PRPF18: variants seen among roughly 807,000 people sequenced by gnomAD.
PRPF18 encodes pre-mRNA-splicing factor 18.
A neutral mutation model predicts 46.5 loss-of-function variants in PRPF18; 38 were observed. That is an observed-to-expected ratio of 0.82 (90% CI 0.63 to 1.07). The LOEUF (loss-of-function observed/expected upper bound fraction) is 1.07, where lower values mean the gene tolerates loss of function less well. Ranked by LOEUF, PRPF18 falls within the 50% of genes least tolerant of loss-of-function variation. PRPF18 has a pLI of 0.00. For missense variants in PRPF18, 263 were observed against 410.0 expected (o/e 0.64, Z 3.10); for synonymous variants, 152 against 146.7 (o/e 1.04, Z -0.26).
At chr10:13,641,423 A>G in the PRPF18 span, 3 of 152,280 alleles carry the variant, frequency 2.0e-5, no homozygotes, top group African/African-American at 7.2e-5. Context: ...AGTGGAATGT[A>G]CAACTTTTAG....
chr10:13,650,399 CATGTATGCATGAGCAT>C, the PRPF18 span, among the ~76,000 whole-genome samples: 1 of 152,004 alleles, frequency 6.6e-6, no homozygotes, highest in Non-Finnish European at 1.5e-5. Context: ...TGCATGTGCA[CATGTATGCATGAGCAT>C]GAACTCGTGT....
intron 9 of PRPF18, among the ~76,000 whole-genome samples, chr10:13,625,037 A>G (rs1428772537): frequency 6.6e-6 from 1 of 152,230 alleles, no homozygotes; most frequent in African/African-American, 2.4e-5. Flanking sequence ...GAGAATGATA[A>G]TTAATATCCT....
chr10:13,616,812 G>GT (rs2080348155), intron 9 of PRPF18, among the ~76,000 whole-genome samples: 1 of 150,616 alleles, frequency 6.6e-6, no homozygotes, highest in African/African-American at 2.5e-5. Context: ...AATGATTGCA[G>GT]TTTGCTTTTT....
intron 4 of PRPF18, among the ~76,000 whole-genome samples, chr10:13,609,014 ATCAG>A (rs2080232615): frequency 6.6e-6 from 1 of 152,210 alleles, no homozygotes. Context: ...ACAGCAGGTG[ATCAG>A]TCAGTGTTTG....
chr10:13,624,198 G>A (rs147225151), intron 9 of PRPF18, among the ~76,000 whole-genome samples: 3 of 152,268 alleles, frequency 2.0e-5, no homozygotes, highest in Non-Finnish European at 2.9e-5. Flanking sequence ...GGCTGGTCTC[G>A]AACTCCTGAC....
At chr10:13,654,446 C>G in the PRPF18 span, 8 of 1,612,942 alleles carry the variant, frequency 5.0e-6, no homozygotes, top group South Asian at 8.8e-5. Flanking sequence ...GTGGTGGGGG[C>G]TGCTTGGGGG....
At chr10:13,628,515 A>C (rs2080544292) in intron 9 of PRPF18, among the ~76,000 whole-genome samples, 1 of 152,194 alleles carries the variant, frequency 6.6e-6, no homozygotes, top group African/African-American at 2.4e-5. Flanking sequence ...ATGCTATTTA[A>C]ATAGTTATTA....
chr10:13,607,993 C>G (rs956699790), intron 4 of PRPF18, among the ~76,000 whole-genome samples: 1 of 152,152 alleles, frequency 6.6e-6, no homozygotes, highest in South Asian at 2.1e-4. Context: ...AACTTTTTAT[C>G]TACTTGCTTT....
chr10:13,640,406 C>G, the PRPF18 span: 1 of 152,240 alleles, frequency 6.6e-6, no homozygotes, highest in African/African-American at 2.4e-5. Context: ...GACCCAGGTC[C>G]TCTTCTACGC....
At chr10:13,632,361 T>C (rs542652901), downstream of PRPF18, among the ~76,000 whole-genome samples, 6 of 151,806 alleles carry the variant, frequency 4.0e-5, no homozygotes, top group East Asian at 1.2e-3. Context: ...CAAAAAAAAA[T>C]CAGTTAGAGC....
intron 9 of PRPF18, among the ~76,000 whole-genome samples, chr10:13,629,655 A>G (rs2080564443): frequency 6.6e-6 from 1 of 152,246 alleles, no homozygotes; most frequent in Admixed American, 6.5e-5. Flanking sequence ...CACTGAAGGT[A>G]GTAACACTTC....
At chr10:13,621,161 G>C (rs2080414895) in intron 9 of PRPF18, among the ~76,000 whole-genome samples, 1 of 152,210 alleles carries the variant, frequency 6.6e-6, no homozygotes, top group East Asian at 1.9e-4. Flanking sequence ...AGGGAAGGAA[G>C]GTAGACAGGA....
At chr10:13,629,107 T>TA (rs2080554441) in intron 9 of PRPF18, among the ~76,000 whole-genome samples, 1 of 152,166 alleles carries the variant, frequency 6.6e-6, no homozygotes, top group Admixed American at 6.5e-5. Context: ...TTCATCAGCT[T>TA]AAAAAATCTA....
chr10:13,624,906 G>T (rs1325055955), intron 9 of PRPF18, among the ~76,000 whole-genome samples: 1 of 152,176 alleles, frequency 6.6e-6, no homozygotes, highest in Non-Finnish European at 1.5e-5. Flanking sequence ...CAGCATGAAT[G>T]TTCACCTAAG....
chr10:13,593,057 T>A (rs2079987573), intron 1 of PRPF18, among the ~76,000 whole-genome samples: 1 of 152,110 alleles, frequency 6.6e-6, no homozygotes, highest in Non-Finnish European at 1.5e-5. Context: ...CAACTGGATA[T>A]CCATACGGAA....
the PRPF18 span, among the ~76,000 whole-genome samples, chr10:13,650,697 T>G: frequency 2.5e-4 from 38 of 152,180 alleles, no homozygotes; most frequent in African/African-American, 8.9e-4. Flanking sequence ...CTGTCAACTT[T>G]GCAATATTGT....
chr10:13,597,475 C>G lies in PRPF18; in HGVS notation c.84C>G (p.Phe28Leu). 1.9e-6 allele frequency: 3 copies of G among 1,600,458 alleles called. No individual in the cohort carries two copies. Residue 28 changes from phenylalanine (F) to leucine (L), a missense_variant, in exon 2 of 10, where the codon TTC becomes TTG. Physicochemically the swap from Phe to Leu is conservative, Grantham distance 22. This residue lies in a region of PRPF18 where 71 missense variants were observed against 69.2 expected (regional missense o/e 1.03). Coordinates refer to ENST00000378572, the MANE Select transcript of PRPF18 (RefSeq NM_003675.4). Reference protein sequence around the residue: ...RNLLVENKKYFKRSELAKKEE... With the variant: ...RNLLVENKKYLKRSELAKKEE... ...TTTAATAGGAAAATAAAAAATATTTCAAGCGTAGTGAGCTCGCCAAAAAAG... is the reference window on the plus strand; with the variant it reads ...TTTAATAGGAAAATAAAAAATATTTGAAGCGTAGTGAGCTCGCCAAAAAAG...
chr10:13,642,103 T>C, the PRPF18 span: 2 of 152,258 alleles, frequency 1.3e-5, no homozygotes, highest in Non-Finnish European at 2.9e-5. Flanking sequence ...ATAAAGGTTA[T>C]ACCTCTGCAG....
At chr10:13,652,004 G>C in the PRPF18 span, 2 of 1,211,508 alleles carry the variant, frequency 1.7e-6, no homozygotes, top group South Asian at 1.2e-5. Flanking sequence ...AGGAGGAAGA[G>C]AAGAGAGGTC....
Sources: gnomAD v4.1 joint callset for allele counts (sites outside exome capture counted in the v4.1 genomes callset) on GRCh38, gnomAD v4.1.1 for gene constraint, gnomAD v4.1.1 regional missense constraint, MANE v1.5 for transcripts, NCBI Gene and HGNC (gene_info 2026-07-23, HGNC 2026-07-21) for gene names.